Variants in ANKS1B observed in about 807,000 individuals in gnomAD.
ANKS1B encodes ankyrin repeat and sterile alpha motif domain-containing protein 1B.
ANKS1B carries 36 observed loss-of-function variants against 148.3 expected under a neutral mutation model. The ratio of observed to expected loss-of-function variants is 0.24; its 90% CI spans 0.19 to 0.32. ANKS1B has a LOEUF of 0.32. ANKS1B is among the 10% of genes least tolerant of loss of function. The probability of loss-of-function intolerance (pLI) is 1.00; values close to 1 mark genes in which losing one functional copy is unlikely to be tolerated. For synonymous variants in ANKS1B, 542 were observed against 560.8 expected (o/e 0.97, Z 0.47); for missense variants, 1,157 against 1,542.6 (o/e 0.75, Z 4.19).
intron 4 of ANKS1B, among the ~76,000 whole-genome samples, chr12:99,805,638 T>TAAG (rs1449442648): frequency 6.6e-6 from 1 of 151,820 alleles, no homozygotes; most frequent in Non-Finnish European, 1.5e-5. Context: ...TGTCTGAAAA[T>TAAG]AATAATAATA....
At position 98,789,582 on chromosome 12, in the gene ANKS1B, TCA is replaced by T. The variant is rs148679780; in HGVS notation, c.3343-7447_3343-7446del. The stretch of plus-strand genomic sequence containing the variant: ...AATTTGGGAATAGTTATCCAAAGTT[TCA>T]CAGTGTGTATACCCTTTGATCCAGC... On this transcript the variant is annotated intron_variant, in intron 22 of 26. Transcript: ENST00000683438. 5.3e-5 allele frequency among the ~76,000 whole-genome samples: 8 copies of T among 152,224 alleles called. No individual in the cohort carries two copies. In the East Asian group the frequency reaches 1.5e-3, roughly 29 times the overall value.
At chr12:99,262,702 T>C (rs998184883) in intron 12 of ANKS1B, among the ~76,000 whole-genome samples, 2 of 152,084 alleles carry the variant, frequency 1.3e-5, no homozygotes, top group African/African-American at 4.8e-5. Context: ...ACCTAAAAAA[T>C]TGAGACATGT....
intron 12 of ANKS1B, among the ~76,000 whole-genome samples, chr12:99,266,324 T>C (rs909008540): frequency 6.6e-6 from 1 of 152,198 alleles, no homozygotes; most frequent in African/African-American, 2.4e-5. Context: ...GTCTCTGATA[T>C]GCAGAAAATG....
chr12:99,134,975 A>C (rs1018496027), intron 15 of ANKS1B, among the ~76,000 whole-genome samples: 1 of 152,200 alleles, frequency 6.6e-6, no homozygotes, highest in Admixed American at 6.5e-5. Flanking sequence ...TTTTAGCACG[A>C]GCGACAAAGA....
At position 99,882,811 on chromosome 12, in the gene ANKS1B, T is replaced by C. The variant is rs1042021103; in HGVS notation, c.135-57422A>G. Among the ~76,000 whole-genome samples the C allele has an allele frequency of 4.3e-4, 65 of 152,028 alleles. 1 individual carries two copies. Among genetic ancestry groups the C allele is most frequent in the African/African-American group, 1.5e-3 (61 of 41,450 alleles). On this transcript the variant is annotated intron_variant, in intron 1 of 26. Coordinates refer to ENST00000683438, the MANE Select transcript of ANKS1B (RefSeq NM_001352186.2). ...ACTACTGAAATCATAAGAAGAAAAATAATTTTTTTTAAAAAAGAAGTCATG... is the reference window on the plus strand; with the variant it reads ...ACTACTGAAATCATAAGAAGAAAAACAATTTTTTTTAAAAAAGAAGTCATG...
chr12:99,641,850 ATTCC>A (rs2098310526), intron 9 of ANKS1B, among the ~76,000 whole-genome samples: 1 of 152,068 alleles, frequency 6.6e-6, no homozygotes, highest in Non-Finnish European at 1.5e-5. Context: ...AAAAGAAGCT[ATTCC>A]GTCTATTTTT....
chr12:98,745,821 A>G lies in ANKS1B; in HGVS notation c.3776T>C (p.Leu1259Pro), dbSNP rs866388987. ...CTCCACAATCCACGGTAGATTGGCC[A>G]GAGTCTTTTGCTCAGATGGGTCGAT... Reference protein sequence around the residue: ...VQIDPSEQKTLANLPWIVEPG... With the variant: ...VQIDPSEQKTPANLPWIVEPG... Residue 1259 changes from leucine to proline, a missense_variant, in exon 27 of 27, where the codon CTG becomes CCG. Leu to Pro is a moderately conservative substitution (Grantham distance 98). Transcript: ENST00000683438. 1 of 1,613,466 alleles carries G rather than the reference A, an allele frequency of 6.2e-7. No individual in the cohort carries two copies. Among genetic ancestry groups the G allele is most frequent in the African/African-American group, 1.3e-5 (1 of 74,884 alleles).
chr12:99,843,125 C>T (rs1481302166), intron 1 of ANKS1B, among the ~76,000 whole-genome samples: 1 of 152,106 alleles, frequency 6.6e-6, no homozygotes, highest in Non-Finnish European at 1.5e-5. Context: ...AGGCTTGTTA[C>T]ACAGGGAAAT....
intron 17 of ANKS1B, among the ~76,000 whole-genome samples, chr12:98,952,298 G>T (rs2099855244): frequency 6.6e-6 from 1 of 152,220 alleles, no homozygotes; most frequent in South Asian, 2.1e-4. Flanking sequence ...GAGCAGGCAG[G>T]TAACAAAACT....
At chr12:98,880,411 C>T (rs1490956437) in intron 17 of ANKS1B, among the ~76,000 whole-genome samples, 2 of 152,102 alleles carry the variant, frequency 1.3e-5, no homozygotes. Flanking sequence ...ATATGCCAAT[C>T]AGGAATAAAA....
In ANKS1B at chr12:98,800,202, C is replaced by A. The variant is rs188274681; in HGVS notation, c.3270+795G>T. On this transcript the variant is annotated intron_variant, in intron 21 of 26. Transcript: ENST00000683438. ...TAAGTAAGCTTTAGTAAAAGAGGGG[C>A]AGAAAGCAGAAAATGAAAAAAAAAA... Among the ~76,000 whole-genome samples, 23 of 98,418 alleles carry A rather than the reference C, an allele frequency of 2.3e-4. No homozygotes were observed. In the Admixed American group the frequency reaches 2.6e-3, roughly 11 times the overall value. 64.6% of individuals were successfully genotyped at this position (98,418 alleles called of 152,430 possible).
intron 8 of ANKS1B, among the ~76,000 whole-genome samples, chr12:99,724,788 A>G (rs1270828930): frequency 6.6e-6 from 1 of 152,248 alleles, no homozygotes; most frequent in East Asian, 1.9e-4. Flanking sequence ...AGGGAAGCCC[A>G]TCAGACTAAC....
intron 12 of ANKS1B, among the ~76,000 whole-genome samples, chr12:99,334,451 T>C (rs2088333214): frequency 6.6e-6 from 1 of 152,074 alleles, no homozygotes; most frequent in African/African-American, 2.4e-5. Flanking sequence ...AAAATTATAC[T>C]TGCTCAATAA....
intron 1 of ANKS1B, among the ~76,000 whole-genome samples, chr12:99,940,902 G>C (rs982454537): frequency 1.3e-5 from 2 of 152,084 alleles, no homozygotes; most frequent in Non-Finnish European, 2.9e-5. Flanking sequence ...GATAGAATTT[G>C]AAAATACAGA....
intron 8 of ANKS1B, among the ~76,000 whole-genome samples, chr12:99,657,545 A>C (rs537366888): frequency 1.5e-4 from 23 of 151,902 alleles, no homozygotes; most frequent in Non-Finnish European, 3.2e-4. Context: ...ACACTTCTCA[A>C]ATCAATAATA....
intron 14 of ANKS1B, among the ~76,000 whole-genome samples, chr12:99,175,785 C>T (rs983240560): frequency 1.3e-5 from 2 of 152,254 alleles, no homozygotes; most frequent in African/African-American, 4.8e-5. Flanking sequence ...GCTCCACCTA[C>T]GATGCTGTGT....
At chr12:99,873,091 G>A (rs2091708623) in intron 1 of ANKS1B, among the ~76,000 whole-genome samples, 1 of 151,952 alleles carries the variant, frequency 6.6e-6, no homozygotes, top group African/African-American at 2.4e-5. Flanking sequence ...TACCTCATAG[G>A]GCTATTGTGA....
Position 99,399,704 on chromosome 12 carries a change from G to A in ANKS1B, c.1683C>T (p.Ala561=). 6.2e-7 allele frequency: 1 copy of A among 1,613,500 alleles called. No individual in the cohort carries two copies. The change falls in exon 12 of 27, where the codon GCC becomes GCT. Residue 561 remains alanine, a synonymous_variant. Coordinates refer to ENST00000683438, the MANE Select transcript of ANKS1B (RefSeq NM_001352186.2). ...AGGTGGGTGGACTAGCAGGAGGACT[G>A]GCAGTAAAGCTTGTGCACCCTGTAG... The part of the protein sequence containing the change: ...NTSTGCTSFT[A]SPPASPPTSS...
At chr12:99,604,790 G>C (rs1248320413) in intron 9 of ANKS1B, among the ~76,000 whole-genome samples, 2 of 148,942 alleles carry the variant, frequency 1.3e-5, no homozygotes, top group Non-Finnish European at 3.0e-5. Flanking sequence ...ACTCCAGCCT[G>C]GGCGACAAGG....
Sources: gnomAD v4.1 joint callset for allele counts (sites outside exome capture counted in the v4.1 genomes callset) on GRCh38, gnomAD v4.1.1 for gene constraint, MANE v1.5 for transcripts, NCBI Gene and HGNC (gene_info 2026-07-23, HGNC 2026-07-21) for gene names.